The following SNAPC3 variants were observed in gnomAD, a reference collection of about 807,000 sequenced individuals.
SNAPC3 encodes the protein small nuclear RNA activating complex polypeptide 3.
In SNAPC3, 56 loss-of-function variants were observed where a neutral mutation model predicts 47.7. The observed-to-expected ratio is 1.18, with a 90% CI of 0.95 to 1.47. The LOEUF (loss-of-function observed/expected upper bound fraction) is 1.47, where lower values mean the gene tolerates loss of function less well. Among genes scored for constraint, SNAPC3 ranks in the 40% most tolerant of loss-of-function variants. The pLI, the probability that SNAPC3 is intolerant of heterozygous loss-of-function variation, is 0.00. For synonymous variants in SNAPC3, 235 were observed against 189.9 expected (o/e 1.24, Z -1.95); for missense variants, 665 against 511.3 (o/e 1.30, Z -2.90).
At chr9:15,441,387 T>TTTC (rs1020716467) in intron 3 of SNAPC3, among the ~76,000 whole-genome samples, 5 of 113,558 alleles carry the variant, frequency 4.4e-5, no homozygotes, top group Admixed American at 2.5e-4. Flanking sequence ...CCTTTTCTTT[T>TTTC]TTTTTTTTTT....
intron 2 of SNAPC3, among the ~76,000 whole-genome samples, chr9:15,425,341 C>T (rs1045066611): frequency 1.3e-4 from 20 of 152,140 alleles, no homozygotes; most frequent in African/African-American, 3.9e-4. Flanking sequence ...CCTCAGCCTC[C>T]GGAGTAGCTG....
chr9:15,436,409 A>G (rs1330212237), intron 3 of SNAPC3, among the ~76,000 whole-genome samples: 1 of 152,102 alleles, frequency 6.6e-6, no homozygotes, highest in Non-Finnish European at 1.5e-5. Flanking sequence ...ATAGCTGTCT[A>G]TTTTTTGCAG....
intron 8 of SNAPC3, among the ~76,000 whole-genome samples, chr9:15,458,923 T>C (rs7046713): frequency 0.91 from 139,080 of 152,158 alleles, 63,845 homozygotes; most frequent in African/African-American, 0.96. Context: ...CAGTGGGATG[T>C]TCAACCGGCA....
downstream of SNAPC3, chr9:15,462,104 A>G (rs2035263387): frequency 6.6e-6 from 1 of 152,200 alleles, no homozygotes; most frequent in South Asian, 2.1e-4. Flanking sequence ...CATACTCTCA[A>G]AACACCAAAC....
intron 4 of SNAPC3, among the ~76,000 whole-genome samples, chr9:15,445,208 A>G (rs984584692): frequency 3.9e-5 from 6 of 152,228 alleles, no homozygotes; most frequent in African/African-American, 7.2e-5. Flanking sequence ...ATTTCAAACA[A>G]TCTCTCGATC....
chr9:15,424,905 C>T (rs1216893367), intron 2 of SNAPC3, among the ~76,000 whole-genome samples: 3 of 152,212 alleles, frequency 2.0e-5, no homozygotes, highest in Non-Finnish European at 4.4e-5. Flanking sequence ...CTGGTCCCTA[C>T]TGCTGACTTT....
chr9:15,423,192 G>T lies in SNAPC3; in HGVS notation c.313G>T (p.Gly105Cys). The T allele has an allele frequency of 6.3e-7, 1 of 1,576,218 alleles. No individual in the cohort carries two copies. Among genetic ancestry groups the T allele is most frequent in the Middle Eastern group, 2.2e-4 (1 of 4,454 alleles). ...GGCGGCTGAGCTGAGGGCGGTGTGC[G>T]GGTGAGTGCGGAGCAAAGGGGCTCT... is the stretch of plus-strand genomic sequence containing the variant. ...EAAAELRAVC[G>C]LDKLKCLEDG... The change falls in exon 1 of 9, where the codon GGC becomes TGC. Residue 105 changes from glycine (G) to cysteine (C), a missense_variant and splice_region_variant. Coordinates refer to ENST00000380821, the MANE Select transcript of SNAPC3 (RefSeq NM_001039697.2).
intron 3 of SNAPC3, among the ~76,000 whole-genome samples, chr9:15,435,041 A>C (rs1352893228): frequency 6.6e-6 from 1 of 152,152 alleles, no homozygotes; most frequent in South Asian, 2.1e-4. Flanking sequence ...GTAATGCATG[A>C]AGGTTCCAAT....
At chr9:15,458,885 C>G (rs2034992227) in intron 8 of SNAPC3, among the ~76,000 whole-genome samples, 1 of 152,122 alleles carries the variant, frequency 6.6e-6, no homozygotes, top group South Asian at 2.1e-4. Flanking sequence ...CTCAAATGAT[C>G]ATTGGAGCAT....
At chr9:15,430,384 A>C (rs575544723) in intron 2 of SNAPC3, among the ~76,000 whole-genome samples, 2 of 152,288 alleles carry the variant, frequency 1.3e-5, no homozygotes, top group East Asian at 3.9e-4. Context: ...GTGAGCCGTG[A>C]TTTTACCACT....
At chr9:15,442,004 G>A (rs2033440292) in intron 3 of SNAPC3, among the ~76,000 whole-genome samples, 1 of 151,882 alleles carries the variant, frequency 6.6e-6, no homozygotes. Context: ...CCCGGACAGG[G>A]CGGCGGCCAG....
chr9:15,428,798 G>A (rs1005442824), intron 2 of SNAPC3, among the ~76,000 whole-genome samples: 2 of 151,940 alleles, frequency 1.3e-5, no homozygotes, highest in South Asian at 2.1e-4. Context: ...TAAAAACAAC[G>A]AAGAGAATTG....
chr9:15,440,191 A>G (rs2033198170), intron 3 of SNAPC3, among the ~76,000 whole-genome samples: 1 of 152,194 alleles, frequency 6.6e-6, no homozygotes, highest in East Asian at 1.9e-4. Flanking sequence ...AAAACAGAAA[A>G]ATCGTAGAGG....
At chr9:15,439,740 G>C (rs1042900023) in intron 3 of SNAPC3, among the ~76,000 whole-genome samples, 2 of 152,202 alleles carry the variant, frequency 1.3e-5, no homozygotes, top group African/African-American at 4.8e-5. Context: ...CACCATGTTG[G>C]CCAGGCTAGT....
chr9:15,423,863 A>G (rs987653408), intron 1 of SNAPC3, 46 bp from the exon 2 acceptor site: 3 of 1,105,152 alleles, frequency 2.7e-6, no homozygotes, highest in Non-Finnish European at 3.9e-6. Context: ...GCTGTGAACC[A>G]GATGCAGAGT....
intron 3 of SNAPC3, among the ~76,000 whole-genome samples, chr9:15,434,427 A>C (rs1283006873): frequency 1.2e-4 from 16 of 130,730 alleles, no homozygotes; most frequent in African/African-American, 4.1e-4. Flanking sequence ...TTTTTTTTTG[A>C]AACAGAGTCT....
chr9:15,441,045 G>C (rs2033303670), intron 3 of SNAPC3, among the ~76,000 whole-genome samples: 1 of 151,434 alleles, frequency 6.6e-6, no homozygotes, highest in Non-Finnish European at 1.5e-5. Context: ...GAAAACTCCT[G>C]TTAATCTTAT....
At chr9:15,453,371 C>T in intron 7 of SNAPC3, 166 bp downstream of exon 7, 1 of 532,990 alleles carries the variant, frequency 1.9e-6, no homozygotes, top group East Asian at 3.1e-5. Flanking sequence ...AATACCAACT[C>T]TTTCCATCCA....
At chr9:15,454,002 A>G (rs1365619524) in intron 7 of SNAPC3, among the ~76,000 whole-genome samples, 3 of 152,086 alleles carry the variant, frequency 2.0e-5, no homozygotes, top group African/African-American at 7.2e-5. Context: ...ACTTTGGGAG[A>G]CTGAAGTGGG....
Sources: allele counts gnomAD v4.1 joint callset (sites outside exome capture counted in the v4.1 genomes callset), GRCh38; gene constraint gnomAD v4.1.1; transcripts MANE v1.5; gene names NCBI Gene and HGNC (gene_info 2026-07-23, HGNC 2026-07-21).